UPK3BL2: variants seen among roughly 807,000 people sequenced by gnomAD.
The protein encoded by UPK3BL2 is uroplakin 3B like 2.
In UPK3BL2, 1 loss-of-function variant was observed where a neutral mutation model predicts 11.3. The observed-to-expected ratio is 0.09, with a 90% CI of 0.03 to 0.42. The LOEUF (loss-of-function observed/expected upper bound fraction) is 0.42, where lower values mean the gene tolerates loss of function less well. Among genes scored for constraint, UPK3BL2 ranks in the 10% least tolerant of loss-of-function variants. UPK3BL2 has a pLI of 0.98.
At chr7:102,538,293 A>AG, downstream of UPK3BL2, 1 of 410,516 alleles carries the variant, frequency 2.4e-6, no homozygotes, top group East Asian at 5.1e-5. Context: ...AAAAAAAAAA[A>AG]AAATAGTAAA....
At chr7:102,540,863 A>AAAAAAC (rs1800231773) in intron 3 of UPK3BL2, among the ~76,000 whole-genome samples, 2 of 131,034 alleles carry the variant, frequency 1.5e-5, no homozygotes, top group Admixed American at 1.5e-4. Context: ...AACAAAAAAA[A>AAAAAAC]AAAAAAAAAA....
At chr7:102,540,795 G>A (rs1342826716) in intron 3 of UPK3BL2, among the ~76,000 whole-genome samples, 1 of 141,626 alleles carries the variant, frequency 7.1e-6, no homozygotes, top group East Asian at 2.1e-4. Context: ...AGTGAGCCGA[G>A]ATCACACCAC....
At chr7:102,540,855 C>CAAAAA (rs1158192702) in intron 3 of UPK3BL2, among the ~76,000 whole-genome samples, 93 of 61,214 alleles carry the variant, frequency 1.5e-3, no homozygotes, top group African/African-American at 2.4e-3. Context: ...AAAAACAAAA[C>CAAAAA]AAAAAAAAAA....
chr7:102,543,296 TA>T (rs767375255), intron 1 of UPK3BL2, among the ~76,000 whole-genome samples: 1,026 of 121,714 alleles, frequency 8.4e-3, no homozygotes, highest in Middle Eastern at 0.029. Flanking sequence ...ACAAAAATCT[TA>T]AAAAAAAAAA....
At chr7:102,540,886 G>GA (rs374079023) in intron 3 of UPK3BL2, among the ~76,000 whole-genome samples, 14,913 of 70,270 alleles carry the variant, frequency 0.21, 442 homozygotes, top group Middle Eastern at 0.27. Context: ...AGAAGAAAAG[G>GA]AAAAAAAAAA....
intron 2 of UPK3BL2, 81 bp downstream of exon 2, chr7:102,541,420 G>A (rs2133370670): frequency 2.1e-6 from 2 of 937,772 alleles, no homozygotes; most frequent in Admixed American, 4.5e-5. Context: ...GCATCTCCCT[G>A]CAACACACCC....
intron 1 of UPK3BL2, chr7:102,542,072 CCACCCACAT>C (rs1198382833): frequency 2.2e-6 from 2 of 927,984 alleles, no homozygotes; most frequent in Admixed American, 1.2e-4. Context: ...CCCTCCAGCT[CCACCCACAT>C]GGTCTAGGTT....
intron 1 of UPK3BL2, chr7:102,542,081 T>TGG (rs1463044567): frequency 3.2e-6 from 3 of 944,230 alleles, no homozygotes; most frequent in Admixed American, 1.2e-4. Flanking sequence ...TCCACCCACA[T>TGG]GGTCTAGGTT....
intron 1 of UPK3BL2, among the ~76,000 whole-genome samples, chr7:102,543,027 A>AAAAAAG (rs200890504): frequency 2.3e-3 from 343 of 147,538 alleles, no homozygotes; most frequent in African/African-American, 7.9e-3. Flanking sequence ...AAAGAAAGAA[A>AAAAAAG]AAAAAGAAAA....
chr7:102,543,084 G>T (rs1349422791), intron 1 of UPK3BL2, among the ~76,000 whole-genome samples: 1 of 150,660 alleles, frequency 6.6e-6, no homozygotes, highest in African/African-American at 2.4e-5. Flanking sequence ...GGGGTTGGGG[G>T]CAGAGATTGT....
At chr7:102,540,862 A>AAAC (rs1554587412) in intron 3 of UPK3BL2, among the ~76,000 whole-genome samples, 1 of 125,954 alleles carries the variant, frequency 7.9e-6, no homozygotes, top group African/African-American at 3.4e-5. Context: ...AAACAAAAAA[A>AAAC]AAAAAAAAAA....
intron 3 of UPK3BL2, among the ~76,000 whole-genome samples, chr7:102,540,874 A>AAAAAAAAAAG (rs1554587419): frequency 1.7e-5 from 2 of 119,648 alleles, no homozygotes; most frequent in African/African-American, 6.4e-5. Context: ...AAAAAAAAAA[A>AAAAAAAAAAG]AAGAAGAAAA....
At chr7:102,540,855 C>CAAAAAAAAACAAAAAAAAAAAA (rs1800227070) in intron 3 of UPK3BL2, among the ~76,000 whole-genome samples, 2 of 61,246 alleles carry the variant, frequency 3.3e-5, no homozygotes, top group Admixed American at 2.1e-4. Context: ...AAAAACAAAA[C>CAAAAAAAAACAAAAAAAAAAAA]AAAAAAAAAA....
At chr7:102,542,706 A>G (rs1800323053) in intron 1 of UPK3BL2, 2 of 945,104 alleles carry the variant, frequency 2.1e-6, no homozygotes, top group East Asian at 1.2e-4. Flanking sequence ...AATGTTTAGA[A>G]AGAGAAGTGG....
At chr7:102,540,859 A>ACAAAAAAAAAAAAAC (rs1233258450) in intron 3 of UPK3BL2, among the ~76,000 whole-genome samples, 2 of 113,910 alleles carry the variant, frequency 1.8e-5, no homozygotes, top group East Asian at 5.1e-4. Context: ...ACAAAACAAA[A>ACAAAAAAAAAAAAAC]AAAAAAAAAA....
intron 3 of UPK3BL2, among the ~76,000 whole-genome samples, chr7:102,540,882 AAAGG>A (rs1800240087): frequency 9.3e-6 from 1 of 107,980 alleles, no homozygotes. Context: ...AAAAAGAAGA[AAAGG>A]AAAAAAAAAA....
chr7:102,543,003 A>G (rs1586802455), intron 1 of UPK3BL2, among the ~76,000 whole-genome samples: 1 of 146,654 alleles, frequency 6.8e-6, no homozygotes, highest in Non-Finnish European at 1.5e-5. Context: ...GTCTCGAAAA[A>G]AAAAAAAAAA....
intron 1 of UPK3BL2, chr7:102,542,020 T>TG (rs1384870616): frequency 5.3e-5 from 48 of 910,760 alleles, no homozygotes; most frequent in Non-Finnish European, 6.2e-5. Flanking sequence ...GACCCTAGGC[T>TG]GAACTCTGTT....
At chr7:102,540,885 G>GA (rs1491356666) in intron 3 of UPK3BL2, among the ~76,000 whole-genome samples, 83 of 64,670 alleles carry the variant, frequency 1.3e-3, no homozygotes, top group Admixed American at 2.2e-3. Context: ...AAGAAGAAAA[G>GA]GAAAAAAAAA....
Sources: gnomAD v4.1 joint callset for allele counts (sites outside exome capture counted in the v4.1 genomes callset) on GRCh38, gnomAD v4.1.1 for gene constraint, MANE v1.5 for transcripts, NCBI Gene and HGNC (gene_info 2026-07-23, HGNC 2026-07-21) for gene names.